Variants in TTC28 observed in about 807,000 individuals in gnomAD.
TTC28 encodes the protein tetratricopeptide repeat domain 28.
TTC28 carries 61 observed loss-of-function variants against 198.0 expected under a neutral mutation model. The ratio of observed to expected loss-of-function variants is 0.31; its 90% CI spans 0.25 to 0.38. TTC28 has a LOEUF of 0.38. Ranked by LOEUF, TTC28 falls within the 10% of genes least tolerant of loss-of-function variation. TTC28 has a pLI of 1.00. For missense variants in TTC28, 2,678 were observed against 3,164.0 expected (o/e 0.85, Z 3.69); for synonymous variants, 1,171 against 1,297.8 (o/e 0.90, Z 2.10).
chr22:28,206,303 T>C (rs956165531), intron 5 of TTC28, among the ~76,000 whole-genome samples: 4 of 152,290 alleles, frequency 2.6e-5, no homozygotes, highest in African/African-American at 9.6e-5. Context: ...TTTCTTCTTA[T>C]AAAATATTCA....
intron 2 of TTC28, among the ~76,000 whole-genome samples, chr22:28,627,029 A>G (rs2051086849): frequency 6.6e-6 from 1 of 152,176 alleles, no homozygotes; most frequent in South Asian, 2.1e-4. Context: ...AAGTGGATCA[A>G]AAAAGGACAA....
At chr22:28,035,576 A>G (rs1939305415) in intron 12 of TTC28, among the ~76,000 whole-genome samples, 1 of 152,198 alleles carries the variant, frequency 6.6e-6, no homozygotes, top group African/African-American at 2.4e-5. Context: ...CACAGATGAC[A>G]ATACCATGGG....
At chr22:28,072,888 T>C (rs1202622511) in intron 12 of TTC28, among the ~76,000 whole-genome samples, 1 of 152,194 alleles carries the variant, frequency 6.6e-6, no homozygotes, top group Non-Finnish European at 1.5e-5. Flanking sequence ...TCCATCACTG[T>C]CCTTCTCTGG....
chr22:28,119,850 C>T (rs1346552754), intron 6 of TTC28, among the ~76,000 whole-genome samples: 1 of 152,214 alleles, frequency 6.6e-6, no homozygotes, highest in Non-Finnish European at 1.5e-5. Flanking sequence ...AATAAATCAT[C>T]AAAGCTAATT....
At chr22:28,337,711 C>T (rs970042812) in intron 2 of TTC28, among the ~76,000 whole-genome samples, 5 of 152,138 alleles carry the variant, frequency 3.3e-5, no homozygotes, top group South Asian at 2.1e-4. Context: ...TCCTCCATCC[C>T]TTTATTTTGA....
intron 1 of TTC28, among the ~76,000 whole-genome samples, chr22:28,636,812 A>AC (rs1490486831): frequency 6.6e-6 from 1 of 151,862 alleles, no homozygotes; most frequent in Non-Finnish European, 1.5e-5. Flanking sequence ...ATTTTATCCC[A>AC]CCCCATAGGT....
At chr22:28,443,830 C>T (rs1389874664) in intron 2 of TTC28, among the ~76,000 whole-genome samples, 2 of 151,910 alleles carry the variant, frequency 1.3e-5, no homozygotes, top group Non-Finnish European at 2.9e-5. Flanking sequence ...CCTAAGCGGT[C>T]AGGAAATCAT....
intron 2 of TTC28, among the ~76,000 whole-genome samples, chr22:28,327,556 T>C (rs1403797834): frequency 6.6e-6 from 1 of 152,234 alleles, no homozygotes; most frequent in African/African-American, 2.4e-5. Flanking sequence ...ACAAAAAGGT[T>C]GTGACCAGAG....
At chr22:28,527,996 C>T (rs1194272036) in intron 2 of TTC28, among the ~76,000 whole-genome samples, 1 of 152,150 alleles carries the variant, frequency 6.6e-6, no homozygotes, top group Non-Finnish European at 1.5e-5. Flanking sequence ...TTCCTCTTCT[C>T]ATAAAGCAAA....
intron 2 of TTC28, among the ~76,000 whole-genome samples, chr22:28,456,435 G>A (rs1457294069): frequency 6.6e-6 from 1 of 152,110 alleles, no homozygotes; most frequent in Non-Finnish European, 1.5e-5. Flanking sequence ...TACAAAAAAA[G>A]TGAATTGTAA....
intron 2 of TTC28, among the ~76,000 whole-genome samples, chr22:28,460,180 A>G (rs921899642): frequency 2.6e-5 from 4 of 152,184 alleles, no homozygotes; most frequent in Non-Finnish European, 5.9e-5. Flanking sequence ...AAAAGAAGCC[A>G]GGTCAGACTC....
At chr22:28,267,377 T>A (rs934286233) in intron 5 of TTC28, among the ~76,000 whole-genome samples, 2 of 152,176 alleles carry the variant, frequency 1.3e-5, no homozygotes, top group African/African-American at 2.4e-5. Context: ...GTTTATAAGC[T>A]GGTAAATCTA....
intron 5 of TTC28, among the ~76,000 whole-genome samples, chr22:28,257,464 C>T (rs1197559891): frequency 2.0e-5 from 3 of 151,780 alleles, no homozygotes; most frequent in African/African-American, 4.8e-5. Flanking sequence ...AACATGGATA[C>T]AACTAGAAGA....
chr22:28,618,458 G>A (rs1270211892), intron 2 of TTC28, among the ~76,000 whole-genome samples: 2 of 152,038 alleles, frequency 1.3e-5, no homozygotes, highest in African/African-American at 2.4e-5. Context: ...GAGGCAGGTG[G>A]ATCACCTGAG....
intron 2 of TTC28, among the ~76,000 whole-genome samples, chr22:28,531,408 G>C (rs905347504): frequency 8.5e-5 from 13 of 152,258 alleles, no homozygotes; most frequent in Admixed American, 8.5e-4. Flanking sequence ...AATTCATAAA[G>C]CAAGTCCTTA....
chr22:28,456,921 C>T (rs2047870679), intron 2 of TTC28, among the ~76,000 whole-genome samples: 1 of 152,138 alleles, frequency 6.6e-6, no homozygotes, highest in African/African-American at 2.4e-5. Flanking sequence ...GTCTTCCATA[C>T]TAGACAACAA....
intron 2 of TTC28, among the ~76,000 whole-genome samples, chr22:28,412,424 A>G (rs1176077710): frequency 6.6e-6 from 1 of 152,176 alleles, no homozygotes; most frequent in Non-Finnish European, 1.5e-5. Context: ...GAAAATGTCT[A>G]TTGAATGTGT....
intron 14 of TTC28, among the ~76,000 whole-genome samples, chr22:28,003,960 A>AT: frequency 6.6e-6 from 1 of 152,246 alleles, no homozygotes; most frequent in East Asian, 1.9e-4. Context: ...TAGGGAAGTC[A>AT]GATAAATTTA....
chr22:28,663,910 G>A (rs2051797261), intron 1 of TTC28, among the ~76,000 whole-genome samples: 1 of 16,776 alleles, frequency 6.0e-5, no homozygotes, highest in Non-Finnish European at 1.0e-4. Context: ...TGACAGCTTT[G>A]AAGAGAGCAG....
Sources: gnomAD v4.1 joint callset for allele counts (sites outside exome capture counted in the v4.1 genomes callset) on GRCh38, gnomAD v4.1.1 for gene constraint, MANE v1.5 for transcripts, NCBI Gene and HGNC (gene_info 2026-07-23, HGNC 2026-07-21) for gene names.